The following TMEM132D variants were observed in gnomAD, a reference collection of about 807,000 sequenced individuals.
TMEM132D encodes mature OL transmembrane protein.
Under a neutral mutation model 62.3 loss-of-function variants are expected in TMEM132D, and 21 were observed. The observed-to-expected ratio is 0.34, with a 90% confidence interval of 0.24 to 0.49. TMEM132D has a LOEUF of 0.49. TMEM132D is among the 20% of genes least tolerant of loss of function. TMEM132D has a pLI of 0.99. For missense variants in TMEM132D, 1,346 were observed against 1,402.8 expected (o/e 0.96, Z 0.65); for synonymous variants, 621 against 575.6 (o/e 1.08, Z -1.13).
intron 4 of TMEM132D, among the ~76,000 whole-genome samples, chr12:129,327,986 T>C (rs1868972189): frequency 1.3e-5 from 2 of 152,180 alleles, no homozygotes; most frequent in Admixed American, 1.3e-4. Context: ...CTGGACCTTT[T>C]TCCACTCGAA....
chr12:129,599,291 T>C (rs1226538294), intron 2 of TMEM132D, among the ~76,000 whole-genome samples: 1 of 152,196 alleles, frequency 6.6e-6, no homozygotes, highest in African/African-American at 2.4e-5. Flanking sequence ...AATTAACATA[T>C]CCACAACTAA....
At position 129,079,949 on chromosome 12, in the gene TMEM132D, G is replaced by A. The variant is rs60974650; in HGVS notation, c.1924-1224C>T. The stretch of plus-strand genomic sequence containing the variant: ...CTTCCCTGACACCTGGTTTCAGAAC[G>A]GTATGGCTTTTCCCCTTTGCACTTA... On this transcript the variant is annotated intron_variant, in intron 7 of 8. Transcript: ENST00000422113. Among the ~76,000 whole-genome samples the A allele has an allele frequency of 7.7e-3, 1,175 of 152,262 alleles. 8 individuals carry two copies. The highest frequency in any genetic ancestry group is 0.027 in the African/African-American group (1,103 of 41,558).
chr12:129,484,383 A>T (rs1319816891), intron 3 of TMEM132D, among the ~76,000 whole-genome samples: 3 of 152,224 alleles, frequency 2.0e-5, no homozygotes, highest in Non-Finnish European at 2.9e-5. Flanking sequence ...TATTCTCTAC[A>T]GGGCTAGGCA....
chr12:129,448,130 C>A (rs944061532), intron 3 of TMEM132D, among the ~76,000 whole-genome samples: 7 of 152,130 alleles, frequency 4.6e-5, no homozygotes, highest in African/African-American at 1.7e-4. Context: ...AAGCACCTCA[C>A]TCATTAATCT....
At chr12:129,657,974 AC>A (rs1371661056) in intron 2 of TMEM132D, among the ~76,000 whole-genome samples, 6 of 152,208 alleles carry the variant, frequency 3.9e-5, no homozygotes, top group Non-Finnish European at 1.5e-5. Flanking sequence ...AGCAAATCAG[AC>A]CAATTCTACT....
intron 2 of TMEM132D, among the ~76,000 whole-genome samples, chr12:129,556,842 C>T (rs1877074713): frequency 6.6e-6 from 1 of 152,218 alleles, no homozygotes; most frequent in African/African-American, 2.4e-5. Context: ...TTAGAGAACA[C>T]TGCCATCACC....
chr12:129,075,629 G>T (rs1874226382), intron 8 of TMEM132D, among the ~76,000 whole-genome samples: 1 of 152,190 alleles, frequency 6.6e-6, no homozygotes, highest in South Asian at 2.1e-4. Context: ...GATCTGTCCT[G>T]GCCTCAGGCC....
intron 1 of TMEM132D, among the ~76,000 whole-genome samples, chr12:129,755,105 G>A (rs1157252476): frequency 6.6e-6 from 1 of 152,184 alleles, no homozygotes; most frequent in Non-Finnish European, 1.5e-5. Flanking sequence ...GTTTGACTTT[G>A]CTATTTGCCA....
intron 3 of TMEM132D, among the ~76,000 whole-genome samples, chr12:129,469,187 C>T (rs868187310): frequency 2.0e-5 from 3 of 152,192 alleles, no homozygotes; most frequent in Non-Finnish European, 2.9e-5. Flanking sequence ...GCAAGAGTGA[C>T]GTTCTGTTTT....
At position 129,244,549 on chromosome 12, in the gene TMEM132D, G is replaced by A. The variant is rs551340771; in HGVS notation, c.1300-34886C>T. 1.1e-4 allele frequency among the ~76,000 whole-genome samples: 17 copies of A among 152,336 alleles called. No homozygotes were observed. The South Asian group carries it at 3.1e-3, about 28-fold the overall frequency. On this transcript the variant is annotated intron_variant, in intron 4 of 8. Coordinates refer to ENST00000422113, the MANE Select transcript of TMEM132D (RefSeq NM_133448.3). The stretch of plus-strand genomic sequence containing the variant: ...AAACACCCATGCAAAGGCCTTGTGA[G>A]AGTATTTGTATTTAGCACTCACAAA...
At chr12:129,552,910 C>A (rs897901628) in intron 2 of TMEM132D, among the ~76,000 whole-genome samples, 13 of 152,148 alleles carry the variant, frequency 8.5e-5, no homozygotes, top group African/African-American at 3.1e-4. Flanking sequence ...TCACTGTTCT[C>A]CAAGTATAAA....
chr12:129,420,334 G>A (rs7963040), intron 3 of TMEM132D, among the ~76,000 whole-genome samples: 94,707 of 130,690 alleles, frequency 0.72, 33,643 homozygotes, highest in East Asian at 0.77. Flanking sequence ...TTTTTTTGCA[G>A]TATCTGGGCC....
At chr12:129,081,224 G>A (rs1874436525) in intron 7 of TMEM132D, among the ~76,000 whole-genome samples, 1 of 152,202 alleles carries the variant, frequency 6.6e-6, no homozygotes, top group South Asian at 2.1e-4. Flanking sequence ...GCCACCATGG[G>A]AGCCAGCCCA....
chr12:129,535,033 G>C (rs983084992), intron 2 of TMEM132D, among the ~76,000 whole-genome samples: 1 of 152,206 alleles, frequency 6.6e-6, no homozygotes, highest in African/African-American at 2.4e-5. Flanking sequence ...ACAAGGAAGT[G>C]TATTTCCTCC....
chr12:129,252,859 C>A (rs1472039152), intron 4 of TMEM132D, among the ~76,000 whole-genome samples: 1 of 151,912 alleles, frequency 6.6e-6, no homozygotes, highest in East Asian at 1.9e-4. Context: ...TACTATGCAG[C>A]CATAAAAAAG....
chr12:129,199,702 G>T (rs992475679), intron 5 of TMEM132D, among the ~76,000 whole-genome samples: 1 of 152,136 alleles, frequency 6.6e-6, no homozygotes, highest in Non-Finnish European at 1.5e-5. Flanking sequence ...GGTGTAGGAG[G>T]AGCAAAGGCA....
intron 1 of TMEM132D, among the ~76,000 whole-genome samples, chr12:129,780,341 G>A (rs918063974): frequency 2.3e-4 from 4 of 17,402 alleles, no homozygotes; most frequent in African/African-American, 6.7e-4. Flanking sequence ...TGGTGGGGAG[G>A]GGGGGGGCCG....
intron 1 of TMEM132D, among the ~76,000 whole-genome samples, chr12:129,865,491 A>T (rs916445898): frequency 6.6e-6 from 1 of 152,208 alleles, no homozygotes; most frequent in East Asian, 1.9e-4. Context: ...GCCTGCAATC[A>T]TACAACTTCT....
rs571030338 is a variant in TMEM132D at position 129,672,106 on chromosome 12, A to T, written c.968+27704T>A. On this transcript the variant is annotated intron_variant, in intron 2 of 8. Coordinates refer to ENST00000422113, the MANE Select transcript of TMEM132D (RefSeq NM_133448.3). ...ACAGATTCATTTCATCGACCTTGGA[A>T]ATCCAAGAACATAGTCCTGAAGGAT... Among the ~76,000 whole-genome samples, 7 of 152,306 alleles carry T rather than the reference A, an allele frequency of 4.6e-5. No homozygotes were observed. In the East Asian group the frequency reaches 1.4e-3, roughly 29 times the overall value.
Sources: gnomAD v4.1 joint callset for allele counts (sites outside exome capture counted in the v4.1 genomes callset) on GRCh38, gnomAD v4.1.1 for gene constraint, MANE v1.5 for transcripts, NCBI Gene and HGNC (gene_info 2026-07-23, HGNC 2026-07-21) for gene names.